Variants in TENM3 observed in about 807,000 individuals in gnomAD.
The protein encoded by TENM3 is teneurin-3.
A neutral mutation model predicts 255.1 loss-of-function variants in TENM3; 63 were observed. The ratio of observed to expected loss-of-function variants is 0.25; its 90% CI spans 0.20 to 0.30. The LOEUF (loss-of-function observed/expected upper bound fraction) is 0.30, where lower values mean the gene tolerates loss of function less well. TENM3 is among the 10% of genes least tolerant of loss of function. The pLI is 1.00. For synonymous variants in TENM3, 1,306 were observed against 1,322.3 expected, an observed-to-expected ratio of 0.99 and a Z score of 0.27; for missense variants, 2,929 against 3,461.1, an observed-to-expected ratio of 0.85 and a Z score of 3.86.
At chr4:181,570,395 G>C in the TENM3 span, among the ~76,000 whole-genome samples, 1 of 152,068 alleles carries the variant, frequency 6.6e-6, no homozygotes, top group Non-Finnish European at 1.5e-5. Context: ...CAGCTGCTCA[G>C]GAGGCTGAGT....
intron 3 of TENM3, among the ~76,000 whole-genome samples, chr4:182,364,427 G>GT (rs1000813411): frequency 9.9e-5 from 15 of 151,488 alleles, no homozygotes; most frequent in Non-Finnish European, 2.1e-4. Flanking sequence ...TTTTGTTTTT[G>GT]TTTTTTTGAG....
At chr4:182,645,923 C>A (rs77895167) in intron 5 of TENM3, among the ~76,000 whole-genome samples, 6 of 152,122 alleles carry the variant, frequency 3.9e-5, no homozygotes, top group African/African-American at 1.4e-4. Flanking sequence ...GGCGTGAATA[C>A]CAGAAGACAG....
chr4:181,613,074 G>T, the TENM3 span, among the ~76,000 whole-genome samples: 1 of 152,104 alleles, frequency 6.6e-6, no homozygotes, highest in African/African-American at 2.4e-5. Flanking sequence ...ATGCCGTTTG[G>T]TATGTTGAAA....
the TENM3 span, among the ~76,000 whole-genome samples, chr4:181,746,945 A>G: frequency 6.6e-6 from 1 of 152,040 alleles, no homozygotes; most frequent in African/African-American, 2.4e-5. Flanking sequence ...GGTCATTTCC[A>G]ATTATTCGCT....
the TENM3 span, among the ~76,000 whole-genome samples, chr4:181,747,642 T>C: frequency 6.6e-6 from 1 of 152,052 alleles, no homozygotes; most frequent in African/African-American, 2.4e-5. Flanking sequence ...TTCTCCCAGA[T>C]TTCCATTTGC....
At chr4:182,072,061 G>T in the TENM3 span, among the ~76,000 whole-genome samples, 2 of 152,186 alleles carry the variant, frequency 1.3e-5, no homozygotes, top group Admixed American at 1.3e-4. Context: ...TGCCATCACT[G>T]TCTGATCACC....
chr4:182,274,160 G>A (rs1759837253), intron 1 of TENM3, among the ~76,000 whole-genome samples: 1 of 152,226 alleles, frequency 6.6e-6, no homozygotes, highest in Non-Finnish European at 1.5e-5. Context: ...GTAGTAGCAT[G>A]AGAAGAAACT....
At chr4:181,950,524 T>C in the TENM3 span, among the ~76,000 whole-genome samples, 1 of 152,218 alleles carries the variant, frequency 6.6e-6, no homozygotes, top group Admixed American at 6.5e-5. Context: ...TATGCAATTA[T>C]CTGTCCCAGT....
intron 19 of TENM3, among the ~76,000 whole-genome samples, chr4:182,747,430 A>T (rs775942383): frequency 6.6e-6 from 1 of 152,218 alleles, no homozygotes; most frequent in East Asian, 1.9e-4. Flanking sequence ...AATGTTACTG[A>T]TCAACATATT....
the TENM3 span, among the ~76,000 whole-genome samples, chr4:181,832,320 G>A: frequency 6.6e-6 from 1 of 152,220 alleles, no homozygotes; most frequent in South Asian, 2.1e-4. Flanking sequence ...AAGCAAATCT[G>A]ACTTCAGCGT....
At chr4:182,455,070 A>G (rs906285588) in intron 3 of TENM3, among the ~76,000 whole-genome samples, 1 of 152,202 alleles carries the variant, frequency 6.6e-6, no homozygotes, top group Non-Finnish European at 1.5e-5. Flanking sequence ...TTTATTGGAG[A>G]TATCTCCTTA....
At chr4:182,616,715 GGGCCAGCATCCTCGGCTGAT>G (rs1321170955) in intron 4 of TENM3, among the ~76,000 whole-genome samples, 7 of 152,074 alleles carry the variant, frequency 4.6e-5, no homozygotes, top group African/African-American at 1.7e-4. Flanking sequence ...GAGCTTCTGA[GGGCCAGCATCCTCGGCTGAT>G]GGAGAATTAT....
At chr4:181,685,995 A>G in the TENM3 span, among the ~76,000 whole-genome samples, 1 of 152,152 alleles carries the variant, frequency 6.6e-6, no homozygotes, top group Admixed American at 6.5e-5. Flanking sequence ...GTGTTTTTGT[A>G]TGGGAAACAA....
the TENM3 span, among the ~76,000 whole-genome samples, chr4:181,460,162 G>A: frequency 2.6e-5 from 4 of 151,784 alleles, no homozygotes; most frequent in African/African-American, 9.7e-5. Context: ...AAATTGACAC[G>A]GTATTCTGCA....
intron 1 of TENM3, among the ~76,000 whole-genome samples, chr4:182,246,452 T>C (rs1757656454): frequency 6.6e-6 from 1 of 150,792 alleles, no homozygotes; most frequent in East Asian, 2.0e-4. Context: ...TTTTCTAGGA[T>C]ATAGATGGTG....
chr4:182,510,143 C>G (rs749561293), intron 3 of TENM3, among the ~76,000 whole-genome samples: 4 of 152,122 alleles, frequency 2.6e-5, no homozygotes, highest in Non-Finnish European at 4.4e-5. Flanking sequence ...TTACTGCTAC[C>G]ACCATAGTTC....
chr4:181,832,494 T>C, the TENM3 span, among the ~76,000 whole-genome samples: 1 of 152,100 alleles, frequency 6.6e-6, no homozygotes, highest in African/African-American at 2.4e-5. Context: ...ACTGGATCCA[T>C]TTTTCTGCAA....
chr4:181,765,894 T>C, the TENM3 span, among the ~76,000 whole-genome samples: 5 of 152,328 alleles, frequency 3.3e-5, no homozygotes, highest in Admixed American at 2.6e-4. Flanking sequence ...TAATTTACCA[T>C]ACATATCTGC....
the TENM3 span, among the ~76,000 whole-genome samples, chr4:181,758,939 A>C: frequency 6.6e-6 from 1 of 152,218 alleles, no homozygotes; most frequent in Non-Finnish European, 1.5e-5. Flanking sequence ...TTAAAAATCA[A>C]TACCAACTCT....
Sources: gnomAD v4.1 joint callset for allele counts (sites outside exome capture counted in the v4.1 genomes callset) on GRCh38, gnomAD v4.1.1 for gene constraint, MANE v1.5 for transcripts, NCBI Gene and HGNC (gene_info 2026-07-23, HGNC 2026-07-21) for gene names.